The following PRMT7 variants were observed in gnomAD, a reference collection of about 807,000 sequenced individuals.
PRMT7 encodes protein arginine N-methyltransferase 7.
Under a neutral mutation model 85.4 loss-of-function variants are expected in PRMT7, and 75 were observed. That is an observed-to-expected ratio of 0.88 (90% CI 0.73 to 1.06). PRMT7 has a LOEUF of 1.06. Among genes scored for constraint, PRMT7 ranks in the 50% least tolerant of loss-of-function variants. The pLI is 0.00. For missense variants in PRMT7, 868 were observed against 915.2 expected, an observed-to-expected ratio of 0.95 and a Z score of 0.67; for synonymous variants, 397 against 359.5, an observed-to-expected ratio of 1.10 and a Z score of -1.18.
intron 2 of PRMT7, among the ~76,000 whole-genome samples, chr16:68,314,929 A>G (rs1025840222): frequency 1.3e-5 from 2 of 152,146 alleles, no homozygotes; most frequent in African/African-American, 2.4e-5. Context: ...TGCTTTTAAA[A>G]TTAAAATTTG....
In PRMT7 at chr16:68,356,762, C is replaced by T; in HGVS notation, c.1873C>T (p.Leu625Phe). 1 of 1,610,954 alleles carries T rather than the reference C, an allele frequency of 6.2e-7. No individual in the cohort carries two copies. The highest frequency in any genetic ancestry group is 8.5e-7 in the Non-Finnish European group (1 of 1,179,764). Residue 625 changes from leucine (L) to phenylalanine (F), a missense_variant, in exon 18 of 19, where the codon CTC (leucine) becomes TTC (phenylalanine). Coordinates refer to ENST00000441236, the MANE Select transcript of PRMT7 (RefSeq NM_019023.5). ...GTACCACCTGACCCCGGAGTGCACG[C>T]TCAGCACTGGCCTCCTGGAGCCTGC... ...MEYHLTPECT[L>F]STGLLEPADP...
At chr16:68,313,525 G>A (rs950047773) in intron 2 of PRMT7, among the ~76,000 whole-genome samples, 8 of 152,050 alleles carry the variant, frequency 5.3e-5, no homozygotes, top group South Asian at 2.1e-4. Context: ...TGCCTTCTCC[G>A]TCCACAACCC....
Position 68,313,592 on chromosome 16 carries a change from A to C in PRMT7, c.-84+1416A>C, listed in dbSNP as rs189018433. 5.4e-4 allele frequency among the ~76,000 whole-genome samples: 83 copies of C among 152,304 alleles called. 1 individual carries two copies. Among genetic ancestry groups the C allele is most frequent in the Admixed American group, 3.9e-3 (60 of 15,298 alleles). On this transcript the variant is annotated intron_variant, in intron 2 of 18. Coordinates refer to ENST00000441236, the MANE Select transcript of PRMT7 (RefSeq NM_019023.5). ...CCTTTTAAGCCTTCCTTGAACATTC[A>C]GTCAGATATGGCCATTTCTTTCTCT...
Position 68,348,422 on chromosome 16 carries a change from G to A in PRMT7, c.1404G>A (p.Gln468=). The A allele has an allele frequency of 6.2e-7, 1 of 1,610,454 alleles. No individual in the cohort carries two copies. The highest frequency in any genetic ancestry group is 8.5e-7 in the Non-Finnish European group (1 of 1,176,806). Residue 468 remains glutamine (Q), a synonymous_variant, in exon 14 of 19, where the codon CAG becomes CAA. Coordinates refer to ENST00000441236, the MANE Select transcript of PRMT7 (RefSeq NM_019023.5). ...RPELLTNEDL[Q]GRKVSLLLGE... is the part of the protein sequence containing the mutation. ...AATTATTAACAAATGAGGACCTACA[G>A]GGCAGAAAGGTGAGTAGCGGGAGCC...
intron 14 of PRMT7, chr16:68,351,979 C>A (rs758814845): frequency 2.9e-6 from 1 of 346,642 alleles, no homozygotes; most frequent in South Asian, 4.9e-5. Context: ...GCTCTGCTCT[C>A]CTGAGCACGG....
rs778218819 is a variant in PRMT7, at chr16:68,312,227, A to ATT, written c.-84+52_-84+53insTT. On this transcript the variant is annotated intron_variant, in intron 2 of 18. Coordinates refer to ENST00000441236, the MANE Select transcript of PRMT7 (RefSeq NM_019023.5). ...TATTTATATATATATATATATATATATATTTTTTTTTTTAAGACAGGGTCT... is the reference window on the plus strand; with the variant it reads ...TATTTATATATATATATATATATATATTTATTTTTTTTTTTAAGACAGGGTCT... 263 of 88,276 alleles carry ATT rather than the reference A, an allele frequency of 3.0e-3. 1 individual carries two copies. Among genetic ancestry groups the ATT allele is most frequent in the Middle Eastern group, 0.012 (2 of 162 alleles). 5.5% of individuals were successfully genotyped at this position (88,276 alleles called of 1,614,324 possible). A position where few individuals can be genotyped will look rare whatever the true frequency, so the allele number is the denominator to read the frequency against.
intron 3 of PRMT7, among the ~76,000 whole-genome samples, chr16:68,320,017 C>T (rs577556654): frequency 2.0e-5 from 3 of 152,042 alleles, no homozygotes; most frequent in Admixed American, 6.6e-5. Context: ...GTGAACGTGC[C>T]CAGTGGGGTA....
At chr16:68,326,920 C>T (rs1248004512) in intron 5 of PRMT7, among the ~76,000 whole-genome samples, 2 of 151,998 alleles carry the variant, frequency 1.3e-5, no homozygotes, top group Admixed American at 6.6e-5. Context: ...GGGTGAGGGA[C>T]GACACTGGCT....
At chr16:68,341,446 G>A (rs1169323347) in intron 9 of PRMT7, among the ~76,000 whole-genome samples, 3 of 152,176 alleles carry the variant, frequency 2.0e-5, no homozygotes, top group Non-Finnish European at 1.5e-5. Flanking sequence ...TTTCGTTCTT[G>A]TTGGTCAGGC....
chr16:68,334,479 G>T (rs2084366319), intron 6 of PRMT7, among the ~76,000 whole-genome samples: 1 of 152,126 alleles, frequency 6.6e-6, no homozygotes, highest in South Asian at 2.1e-4. Flanking sequence ...TGGTTCTCCT[G>T]TGTTGCTTTC....
intron 5 of PRMT7, among the ~76,000 whole-genome samples, chr16:68,325,490 CA>C (rs1239732655): frequency 6.6e-6 from 1 of 150,838 alleles, no homozygotes; most frequent in African/African-American, 2.4e-5. Context: ...GACTTTATCT[CA>C]AAAAAATCAA....
At chr16:68,341,593 G>C (rs1263227274) in intron 9 of PRMT7, among the ~76,000 whole-genome samples, 1 of 152,146 alleles carries the variant, frequency 6.6e-6, no homozygotes, top group Admixed American at 6.5e-5. Context: ...ATTTTTAGTA[G>C]AGATGGGGTT....
At chr16:68,318,911 G>C (rs931481662) in intron 3 of PRMT7, 1 of 152,320 alleles carries the variant, frequency 6.6e-6, no homozygotes, top group Non-Finnish European at 1.5e-5. Context: ...CACTGAGAGC[G>C]GTGTGGAGAG....
chr16:68,351,503 A>G (rs1442633670), intron 14 of PRMT7: 1 of 152,588 alleles, frequency 6.6e-6, no homozygotes, highest in Non-Finnish European at 1.5e-5. Context: ...TTCTAGTGAC[A>G]TCCACCACCC....
chr16:68,356,377 T>C (rs1178632936), intron 17 of PRMT7, among the ~76,000 whole-genome samples: 1 of 152,220 alleles, frequency 6.6e-6, no homozygotes, highest in Non-Finnish European at 1.5e-5. Flanking sequence ...CTCCCAGGGT[T>C]GCTGTCTGGG....
chr16:68,356,800 A>G lies in PRMT7; in HGVS notation c.1908+3A>G. 6.2e-7 allele frequency: 1 copy of G among 1,603,770 alleles called. No homozygotes were observed. Among genetic ancestry groups the G allele is most frequent in the Non-Finnish European group, 8.5e-7 (1 of 1,176,402 alleles). On this transcript the variant is annotated splice_donor_region_variant and intron_variant, in intron 18 of 18. Coordinates refer to ENST00000441236, the MANE Select transcript of PRMT7 (RefSeq NM_019023.5). ...TCCTGGAGCCTGCAGACCCCGAGGTAGTGCCTGCGCACCGGGCCCAGTGTG... is the reference window on the plus strand; with the variant it reads ...TCCTGGAGCCTGCAGACCCCGAGGTGGTGCCTGCGCACCGGGCCCAGTGTG...
At position 68,357,436 on chromosome 16, in the gene PRMT7, G is replaced by A; in HGVS notation, c.*212G>A. The stretch of plus-strand genomic sequence containing the variant: ...GAAGCATGAGAGGGTGACTGAATTT[G>A]GAGCCCTGGAGGGGCTGGGAAGACC... On this transcript the variant is annotated 3_prime_UTR_variant, in exon 19 of 19. Transcript: ENST00000441236. The A allele has an allele frequency of 1.8e-6, 1 of 558,728 alleles. No homozygotes were observed. Among genetic ancestry groups the A allele is most frequent in the Non-Finnish European group, 3.1e-6 (1 of 327,646 alleles). 34.6% of individuals were successfully genotyped at this position (558,728 alleles called of 1,614,324 possible).
At chr16:68,343,749 A>G (rs2085895891) in intron 9 of PRMT7, among the ~76,000 whole-genome samples, 1 of 152,220 alleles carries the variant, frequency 6.6e-6, no homozygotes. Context: ...TTTTTCCAGA[A>G]CATATCTGGT....
At chr16:68,343,089 T>A (rs2085782370) in intron 9 of PRMT7, among the ~76,000 whole-genome samples, 1 of 151,890 alleles carries the variant, frequency 6.6e-6, no homozygotes, top group African/African-American at 2.4e-5. Flanking sequence ...GCGCCTGTAA[T>A]CCCAGCTACA....
Sources: gnomAD v4.1 joint callset for allele counts (sites outside exome capture counted in the v4.1 genomes callset) on GRCh38, gnomAD v4.1.1 for gene constraint, MANE v1.5 for transcripts, NCBI Gene and HGNC (gene_info 2026-07-23, HGNC 2026-07-21) for gene names.